The following ARHGAP6 variants were observed in gnomAD, a reference collection of about 807,000 sequenced individuals.
ARHGAP6 encodes the protein rho GTPase-activating protein 6.
ARHGAP6 carries 16 observed loss-of-function variants against 55.7 expected under a neutral mutation model. The ratio of observed to expected loss-of-function variants is 0.29; its 90% CI spans 0.19 to 0.44. ARHGAP6 has a LOEUF of 0.44. Ranked by LOEUF, ARHGAP6 falls within the 20% of genes least tolerant of loss-of-function variation. ARHGAP6 has a pLI of 1.00. For synonymous variants in ARHGAP6, 382 were observed against 360.9 expected (o/e 1.06, Z -0.66); for missense variants, 698 against 808.9 (o/e 0.86, Z 1.66).
intron 1 of ARHGAP6, among the ~76,000 whole-genome samples, chrX:11,534,869 T>C (rs1429549448): frequency 1.8e-5 from 2 of 111,534 alleles, no homozygotes; most frequent in Non-Finnish European, 3.8e-5. Flanking sequence ...TGTGCATACC[T>C]AACCCTAACA....
intron 1 of ARHGAP6, among the ~76,000 whole-genome samples, chrX:11,552,558 A>G (rs1331720677): frequency 6.7e-5 from 1 of 15,012 alleles, no homozygotes; most frequent in South Asian, 4.9e-3. Context: ...AATGTGCCAT[A>G]TATATATATA....
intron 1 of ARHGAP6, among the ~76,000 whole-genome samples, chrX:11,405,225 T>C (rs2049596866): frequency 1.8e-5 from 2 of 111,632 alleles, no homozygotes; most frequent in Non-Finnish European, 3.8e-5. Context: ...CACATGGCCA[T>C]GGGTGCCCAC....
chrX:11,595,801 G>T (rs2051894913), intron 1 of ARHGAP6, among the ~76,000 whole-genome samples: 1 of 112,120 alleles, frequency 8.9e-6, no homozygotes, highest in Non-Finnish European at 1.9e-5. Flanking sequence ...CATTTATGCA[G>T]CCAACAGACA....
intron 1 of ARHGAP6, among the ~76,000 whole-genome samples, chrX:11,523,496 A>G (rs916967986): frequency 8.9e-6 from 1 of 112,202 alleles, no homozygotes; most frequent in Non-Finnish European, 1.9e-5. Context: ...CCATCGTCTC[A>G]GCCCAAAATC....
chrX:11,447,056 A>C (rs935981970), intron 1 of ARHGAP6, among the ~76,000 whole-genome samples: 3 of 112,215 alleles, frequency 2.7e-5, no homozygotes, highest in Admixed American at 9.4e-5. Context: ...ATTGAATTAC[A>C]CCATTTCACT....
chrX:11,542,943 T>C (rs1601629815), intron 1 of ARHGAP6, among the ~76,000 whole-genome samples: 1 of 111,545 alleles, frequency 9.0e-6, no homozygotes, highest in East Asian at 2.8e-4. Context: ...CACATTAATC[T>C]ACATAGCAAC....
chrX:11,590,811 GA>G (rs1345955271), intron 1 of ARHGAP6, among the ~76,000 whole-genome samples: 1 of 25,615 alleles, frequency 3.9e-5, no homozygotes, highest in African/African-American at 2.3e-4. Flanking sequence ...GAAAAGAAAA[GA>G]AAAGAAAAGA....
chrX:11,170,647 A>G (rs1182631448), intron 8 of ARHGAP6, among the ~76,000 whole-genome samples: 1 of 111,952 alleles, frequency 8.9e-6, no homozygotes, highest in Non-Finnish European at 1.9e-5. Context: ...CTAGCATCTG[A>G]ACTAGGAAGG....
intron 1 of ARHGAP6, among the ~76,000 whole-genome samples, chrX:11,328,778 A>G (rs2048528108): frequency 8.9e-6 from 1 of 112,115 alleles, no homozygotes; most frequent in South Asian, 3.7e-4. Context: ...AGTAAAACCT[A>G]TTTCTGAGTG....
intron 1 of ARHGAP6, among the ~76,000 whole-genome samples, chrX:11,296,069 A>T: frequency 8.9e-6 from 1 of 112,205 alleles, no homozygotes; most frequent in South Asian, 3.7e-4. Flanking sequence ...TTGGCAGAAT[A>T]ATAAAAAAAG....
At chrX:11,142,119 T>C in intron 12 of ARHGAP6, 114 bp downstream of exon 12, 1 of 452,035 alleles carries the variant, frequency 2.2e-6, no homozygotes, top group Admixed American at 3.8e-5. Context: ...TCCCCTCCCA[T>C]TTTCAGCATT....
intron 1 of ARHGAP6, among the ~76,000 whole-genome samples, chrX:11,294,011 C>A (rs1275233567): frequency 2.7e-5 from 3 of 112,449 alleles, no homozygotes; most frequent in Admixed American, 9.4e-5. Flanking sequence ...TTTAGGAGGA[C>A]CTGTTTTGCT....
chrX:11,170,559 A>C (rs1333731929), intron 8 of ARHGAP6, among the ~76,000 whole-genome samples: 1 of 111,574 alleles, frequency 9.0e-6, no homozygotes, highest in Non-Finnish European at 1.9e-5. Flanking sequence ...CAGGAAGAGC[A>C]ATCTATGGAA....
Position 11,138,719 on chromosome X carries a change from C to T in ARHGAP6, c.*144G>A. The T allele has an allele frequency of 1.5e-6, 1 of 664,270 alleles. No homozygotes were observed. Among genetic ancestry groups the T allele is most frequent in the South Asian group, 2.7e-5 (1 of 37,165 alleles). The allele number at this position is 664,270 out of a possible 1,213,427, so 54.7% of individuals were successfully genotyped here. A position where few individuals can be genotyped will look rare whatever the true frequency, so the allele number is the denominator to read the frequency against. On this transcript the variant is annotated 3_prime_UTR_variant, in exon 13 of 13. Transcript: ENST00000337414. ...TGGCGGGGGCGTGAGTGCTCTACCTCTGTAGGTGAACTGGATTTCTCTTGT... is the reference window on the plus strand; with the variant it reads ...TGGCGGGGGCGTGAGTGCTCTACCTTTGTAGGTGAACTGGATTTCTCTTGT...
chrX:11,465,928 C>CTCCTCCTCCTCCTCT (rs1015879509), intron 1 of ARHGAP6, among the ~76,000 whole-genome samples: 3 of 103,882 alleles, frequency 2.9e-5, no homozygotes, highest in African/African-American at 7.3e-5. Flanking sequence ...AGTATGTCTC[C>CTCCTCCTCCTCCTCT]TCCTCCTCCT....
chrX:11,580,249 C>G (rs2051650275), intron 1 of ARHGAP6, among the ~76,000 whole-genome samples: 1 of 112,337 alleles, frequency 8.9e-6, no homozygotes, highest in African/African-American at 3.2e-5. Context: ...CTTTTCCAAA[C>G]TTGTGCTTTT....
chrX:11,218,124 A>G lies in ARHGAP6; in HGVS notation c.749-21128T>C, dbSNP rs190084848. 1.6e-4 allele frequency among the ~76,000 whole-genome samples: 18 copies of G among 111,825 alleles called. No individual in the cohort carries two copies. The East Asian group carries it at 4.2e-3, about 26-fold the overall frequency. ...GTTTTGGTTACTGTAGCCTTGTAAT[A>G]TAGTTTGAAGTCAGGTAGCGTGATG... On this transcript the variant is annotated intron_variant, in intron 2 of 12. Transcript: ENST00000337414.
intron 1 of ARHGAP6, among the ~76,000 whole-genome samples, chrX:11,392,669 C>T (rs1242702142): frequency 9.0e-6 from 1 of 111,723 alleles, no homozygotes; most frequent in Non-Finnish European, 1.9e-5. Context: ...TCCCCATTCT[C>T]AAGGTAGGAA....
intron 1 of ARHGAP6, among the ~76,000 whole-genome samples, chrX:11,652,403 A>G (rs1281547176): frequency 1.8e-5 from 2 of 112,353 alleles, no homozygotes; most frequent in African/African-American, 3.2e-5. Flanking sequence ...CAAACCCAAC[A>G]AAAACAAGCA....
Sources: gnomAD v4.1 joint callset for allele counts (sites outside exome capture counted in the v4.1 genomes callset) on GRCh38, gnomAD v4.1.1 for gene constraint, MANE v1.5 for transcripts, NCBI Gene and HGNC (gene_info 2026-07-23, HGNC 2026-07-21) for gene names.